ADGRB1: variants seen among roughly 807,000 people sequenced by gnomAD.
ADGRB1 encodes adhesion G protein-coupled receptor B1.
In ADGRB1, 36 loss-of-function variants were observed where a neutral mutation model predicts 175.7. The observed-to-expected ratio is 0.20, with a 90% CI of 0.16 to 0.27. ADGRB1 has a LOEUF of 0.27. Ranked by LOEUF, ADGRB1 falls within the 10% of genes least tolerant of loss-of-function variation. The pLI, the probability that ADGRB1 is intolerant of heterozygous loss-of-function variation, is 1.00. For synonymous variants in ADGRB1, 1,054 were observed against 979.4 expected (o/e 1.08, Z -1.42); for missense variants, 1,731 against 2,255.3 (o/e 0.77, Z 4.71).
chr8:142,537,161 C>A lies in ADGRB1; in HGVS notation c.3666+79C>A. On this transcript the variant is annotated intron_variant, in intron 26 of 30. Coordinates refer to ENST00000517894, the MANE Select transcript of ADGRB1 (RefSeq NM_001702.3). This position sits in a 1 kb window ranked among gnomAD's most constrained non-coding sequence, Gnocchi z 4.6. Reference sequence around the variant, plus strand: ...CAAGTGCCTCCAGGCCCTCACCGTGCCCCAAGCTCCCCTAGGCCCCAGCAA... The same window carrying A: ...CAAGTGCCTCCAGGCCCTCACCGTGACCCAAGCTCCCCTAGGCCCCAGCAA... The A allele has an allele frequency of 4.4e-6, 5 of 1,140,112 alleles. No individual in the cohort carries two copies. The highest frequency in any genetic ancestry group is 5.9e-6 in the Non-Finnish European group (5 of 850,666). 70.6% of individuals were successfully genotyped at this position (1,140,112 alleles called of 1,614,324 possible). A position where few individuals can be genotyped will look rare whatever the true frequency, so the allele number is the denominator to read the frequency against.
intron 23 of ADGRB1, among the ~76,000 whole-genome samples, chr8:142,524,747 A>G (rs1171511482): frequency 6.6e-6 from 1 of 152,088 alleles, no homozygotes; most frequent in Admixed American, 6.5e-5. Context: ...GGCCCCGGTG[A>G]GGACCTTCCC....
intron 13 of ADGRB1, among the ~76,000 whole-genome samples, chr8:142,486,597 G>C (rs1841683121): frequency 6.6e-6 from 1 of 152,228 alleles, no homozygotes; most frequent in Non-Finnish European, 1.5e-5. Flanking sequence ...GCGGCATTCA[G>C]ACGTGTCTGG....
chr8:142,509,758 C>T (rs1190944458), intron 17 of ADGRB1, among the ~76,000 whole-genome samples: 1 of 152,230 alleles, frequency 6.6e-6, no homozygotes, highest in Non-Finnish European at 1.5e-5. Context: ...GCCTTTTCAG[C>T]CGTGGGTTCA....
chr8:142,499,689 C>T (rs1272327703), intron 17 of ADGRB1, among the ~76,000 whole-genome samples: 1 of 152,228 alleles, frequency 6.6e-6, no homozygotes, highest in Admixed American at 6.5e-5. Context: ...TCCGGGGGCC[C>T]CTTGCCTGCG....
Position 142,542,633 on chromosome 8 carries a change from G to A in ADGRB1, c.4399G>A (p.Val1467Met), listed in dbSNP as rs777327265. 1.2e-5 allele frequency: 19 copies of A among 1,550,986 alleles called. No individual in the cohort carries two copies. The highest frequency in any genetic ancestry group is 1.6e-5 in the Non-Finnish European group (18 of 1,148,584). Residue 1467 changes from valine (V) to methionine (M), a missense_variant, in exon 28 of 31, where the codon GTG (valine) becomes ATG (methionine). Val to Met is a conservative substitution (Grantham distance 21). Transcript: ENST00000517894. This position sits in a 1 kb window ranked among gnomAD's most constrained non-coding sequence, Gnocchi z 6.3. ...TKNENVATLS[V>M]SSLERRKSRY... is the part of the protein sequence containing the mutation. ...GAACGAGAATGTCGCCACCTTGTCT[G>A]TGAGCTCCCTGGAGGTGAGGGGGGC...
chr8:142,488,513 G>A lies in ADGRB1; in HGVS notation c.2452+6G>A. ...CTTCTCCACGGGGCTGACAGGTGAG[G>A]GGCCCAGGGAGTGGAGGGGGACCTT... On this transcript the variant is annotated splice_donor_region_variant and intron_variant, in intron 14 of 30. Coordinates refer to ENST00000517894, the MANE Select transcript of ADGRB1 (RefSeq NM_001702.3). 2 of 1,611,596 alleles carry A rather than the reference G, an allele frequency of 1.2e-6. No individual in the cohort carries two copies. The highest frequency in any genetic ancestry group is 2.2e-5 in the East Asian group (1 of 44,830).
chr8:142,478,123 A>G, intron 6 of ADGRB1, 64 bp from the exon 7 acceptor site: 1 of 1,551,624 alleles, frequency 6.4e-7, no homozygotes, highest in Non-Finnish European at 8.7e-7. Flanking sequence ...TCACACCCAC[A>G]TTCCAAGCCA....
Position 142,464,210 on chromosome 8 carries a change from G to T in ADGRB1, c.12G>T (p.Gln4His), listed in dbSNP as rs1840117387. 4 of 1,288,148 alleles carry T rather than the reference G, an allele frequency of 3.1e-6. No homozygotes were observed. In the South Asian group the frequency reaches 1.1e-4, roughly 34 times the overall value. The allele number at this position is 1,288,148 out of a possible 1,614,324, so 79.8% of individuals were successfully genotyped here. A position where few individuals can be genotyped will look rare whatever the true frequency, so the allele number is the denominator to read the frequency against. MRG[Q>H]AAAPGPVWIL... ...CCCCGCGAGCTAGGATGAGGGGCCA[G>T]GCCGCCGCCCCGGGCCCCGTCTGGA... Residue 4 changes from glutamine (Q) to histidine (H), a missense_variant, in exon 2 of 31, where the codon CAG (glutamine) becomes CAT (histidine). By Grantham distance (24) the Gln-to-His change is conservative (BLOSUM62 0). This residue lies in a region of ADGRB1 where 383 missense variants were observed against 383.1 expected (regional missense o/e 1.00). Coordinates refer to ENST00000517894, the MANE Select transcript of ADGRB1 (RefSeq NM_001702.3).
chr8:142,503,919 C>T (rs1174978298), intron 17 of ADGRB1, among the ~76,000 whole-genome samples: 1 of 152,116 alleles, frequency 6.6e-6, no homozygotes, highest in Non-Finnish European at 1.5e-5. Context: ...CATGAGAAGC[C>T]CTGGAGGCCC....
At chr8:142,459,612 T>C (rs1721859021) in intron 1 of ADGRB1, among the ~76,000 whole-genome samples, 1 of 152,236 alleles carries the variant, frequency 6.6e-6, no homozygotes, top group Admixed American at 6.5e-5. Context: ...CACAGCCACG[T>C]GGCCTTGTAC....
intron 24 of ADGRB1, among the ~76,000 whole-genome samples, chr8:142,529,986 CTG>C (rs376889624): frequency 1.4e-3 from 206 of 149,718 alleles, no homozygotes; most frequent in African/African-American, 4.8e-3. Context: ...AAACGTGCAT[CTG>C]TGTGTGTGAG....
intron 9 of ADGRB1, among the ~76,000 whole-genome samples, chr8:142,480,372 A>G (rs1279958907): frequency 6.6e-6 from 1 of 152,136 alleles, no homozygotes; most frequent in African/African-American, 2.4e-5. Flanking sequence ...CAGTGTTCTC[A>G]TCTGTAGGAT....
chr8:142,460,340 C>T (rs1007062260), intron 1 of ADGRB1, among the ~76,000 whole-genome samples: 5 of 152,234 alleles, frequency 3.3e-5, no homozygotes, highest in Non-Finnish European at 7.3e-5. Flanking sequence ...GGCCTGGGCT[C>T]CTGCCCAGCA....
chr8:142,522,539 A>C (rs985936120), intron 21 of ADGRB1, 102 bp from the exon 22 acceptor site: 4 of 1,187,982 alleles, frequency 3.4e-6, no homozygotes, highest in Non-Finnish European at 4.7e-6. Context: ...GGGCTTCAGA[A>C]GCGCCTGCCT....
In ADGRB1 at chr8:142,477,075, A is replaced by C. The variant is rs569803138; in HGVS notation, c.1058-39A>C. ...CTGGCCCCGGTCTGACTGCAGCCCC[A>C]TGGGCGGCAGGCCTGTGACGCTGTA... On this transcript the variant is annotated intron_variant, in intron 4 of 30. Coordinates refer to ENST00000517894, the MANE Select transcript of ADGRB1 (RefSeq NM_001702.3). 1.7e-5 allele frequency: 26 copies of C among 1,491,582 alleles called. No homozygotes were observed. The African/African-American group carries it at 3.2e-4, about 18-fold the overall frequency. 92.4% of individuals were successfully genotyped at this position (1,491,582 alleles called of 1,614,324 possible). A position where few individuals can be genotyped will look rare whatever the true frequency, so the allele number is the denominator to read the frequency against.
chr8:142,514,359 C>T (rs368895184), intron 18 of ADGRB1, among the ~76,000 whole-genome samples: 4 of 152,216 alleles, frequency 2.6e-5, no homozygotes, highest in Admixed American at 6.5e-5. Context: ...GGCGCAGATG[C>T]GGGCTGCGCA....
At chr8:142,498,011 C>T (rs1039644974) in intron 17 of ADGRB1, among the ~76,000 whole-genome samples, 2 of 152,178 alleles carry the variant, frequency 1.3e-5, no homozygotes, top group African/African-American at 4.8e-5. Context: ...AGCTCTTCTG[C>T]CTGGCCCAGG....
Position 142,544,214 on chromosome 8 carries a change from C to G in ADGRB1, c.4558-6C>G, listed in dbSNP as rs1237301645. 6.5e-7 allele frequency: 1 copy of G among 1,548,400 alleles called. No homozygotes were observed. Among genetic ancestry groups the G allele is most frequent in the Non-Finnish European group, 8.7e-7 (1 of 1,146,598 alleles). On this transcript the variant is annotated splice_polypyrimidine_tract_variant and splice_region_variant and intron_variant, in intron 30 of 30. Coordinates refer to ENST00000517894, the MANE Select transcript of ADGRB1 (RefSeq NM_001702.3). ...CACCCCTCCTGCACCACGGGCCACC[C>G]AGCAGCCGGAAAAGCAGCAGACGCC...
chr8:142,464,894 G>A lies in ADGRB1; in HGVS notation c.696G>A (p.Gly232=), dbSNP rs1022553781. The part of the protein sequence containing the change: ...GPAAGPLAPR[G]DVCLRDAVAG... ...CCGCGGGACCCCTGGCCCCCCGCGG[G>A]GATGTCTGCTTGAGAGATGCGGTGG... Residue 232 remains glycine (G), a synonymous_variant, in exon 2 of 31, where the codon GGG becomes GGA. Transcript: ENST00000517894. 2 of 1,526,978 alleles carry A rather than the reference G, an allele frequency of 1.3e-6. No homozygotes were observed. The highest frequency in any genetic ancestry group is 1.4e-5 in the African/African-American group (1 of 71,870). The allele number at this position is 1,526,978 out of a possible 1,614,324, so 94.6% of individuals were successfully genotyped here.
Sources: allele counts gnomAD v4.1 joint callset (sites outside exome capture counted in the v4.1 genomes callset), GRCh38; gene constraint gnomAD v4.1.1; regional missense constraint gnomAD v4.1.1; non-coding constraint Gnocchi (gnomAD v3.1); transcripts MANE v1.5; gene names NCBI Gene and HGNC (gene_info 2026-07-23, HGNC 2026-07-21).